RNF130: variants seen among roughly 807,000 people sequenced by gnomAD.
RNF130 encodes the protein ring finger protein 130.
In RNF130, 21 loss-of-function variants were observed where a neutral mutation model predicts 44.6. That is an observed-to-expected ratio of 0.47 (90% confidence interval 0.33 to 0.68). The LOEUF is 0.68. RNF130 is among the 30% of genes least tolerant of loss of function. The pLI is 0.02. For synonymous variants in RNF130, 214 were observed against 210.4 expected (o/e 1.02, Z -0.15); for missense variants, 479 against 560.6 (o/e 0.85, Z 1.47).
rs145442066 is a variant in RNF130 at position 179,980,119 on chromosome 5, A to T, written c.765+10T>A. On this transcript the variant is annotated intron_variant, in intron 4 of 8. Coordinates refer to ENST00000521389, the MANE Select transcript of RNF130 (RefSeq NM_018434.6). ...ACTTTTACGGTGCTGAAGTTGTTTC[A>T]TGACTGTACCTTGTCACCCTTCTTT... 25 of 1,613,394 alleles carry T rather than the reference A, an allele frequency of 1.5e-5. No homozygotes were observed. The African/African-American group carries it at 3.2e-4, about 21-fold the overall frequency.
At position 179,977,063 on chromosome 5, in the gene RNF130, GCAC is replaced by G. The variant is rs1462995771; in HGVS notation, c.848+1137_848+1139del. On this transcript the variant is annotated intron_variant, in intron 5 of 8. Coordinates refer to ENST00000521389, the MANE Select transcript of RNF130 (RefSeq NM_018434.6). This position sits in a 1 kb window ranked among gnomAD's most constrained non-coding sequence, Gnocchi z 4.1. ...AGGAAGGCTTGGTCCCATGTGGGGA[GCAC>G]CACATTAAAGGCAGGCCTTGACACA... 2 of 152,204 alleles carry G rather than the reference GCAC, an allele frequency of 1.3e-5. No homozygotes were observed. Among genetic ancestry groups the G allele is most frequent in the African/African-American group, 4.8e-5 (2 of 41,430 alleles). 9.4% of individuals were successfully genotyped at this position (152,204 alleles called of 1,614,324 possible).
At chr5:179,973,606 C>T (rs1187642405) in intron 5 of RNF130, among the ~76,000 whole-genome samples, 1 of 152,204 alleles carries the variant, frequency 6.6e-6, no homozygotes, top group Non-Finnish European at 1.5e-5. Flanking sequence ...AGCGGCCCCG[C>T]CACCTGGCCA....
chr5:180,042,986 T>A (rs190938229), intron 1 of RNF130, among the ~76,000 whole-genome samples: 23 of 152,194 alleles, frequency 1.5e-4, no homozygotes, highest in Non-Finnish European at 2.8e-4. Context: ...ATTTAGATAG[T>A]CTTATCTCAC....
chr5:179,944,603 G>A (rs1375235772), intron 7 of RNF130, among the ~76,000 whole-genome samples: 1 of 151,932 alleles, frequency 6.6e-6, no homozygotes, highest in African/African-American at 2.4e-5. Flanking sequence ...AAGCCACCAT[G>A]CCTGGCTAAA....
chr5:179,985,291 T>C (rs1280662550), intron 3 of RNF130, among the ~76,000 whole-genome samples: 1 of 152,106 alleles, frequency 6.6e-6, no homozygotes, highest in Admixed American at 6.6e-5. Flanking sequence ...GTTTAGACTT[T>C]CATGGCATTT....
At chr5:179,946,614 TGTG>T (rs1762043829) in intron 7 of RNF130, among the ~76,000 whole-genome samples, 1 of 150,520 alleles carries the variant, frequency 6.6e-6, no homozygotes, top group Admixed American at 6.6e-5. Context: ...AGTGCAGTGG[TGTG>T]ATCTTGGCTC....
downstream of RNF130, among the ~76,000 whole-genome samples, chr5:179,954,798 CGTTCTCACTCCTCA>C (rs1411056725): frequency 6.6e-6 from 1 of 152,222 alleles, no homozygotes; most frequent in Non-Finnish European, 1.5e-5. Context: ...AATAGGAATA[CGTTCTCACTCCTCA>C]GGTAAGCTGA....
rs1224625528 is a variant in RNF130, at chr5:179,978,196, G to A, written c.848+7C>T. ...CATTCTTTCTCAAACAAATGAAGTT[G>A]ACATACTTGCAGGGGAGAATTCGGA... On this transcript the variant is annotated splice_region_variant and intron_variant, in intron 5 of 8. Coordinates refer to ENST00000521389, the MANE Select transcript of RNF130 (RefSeq NM_018434.6). 9 of 1,602,494 alleles carry A rather than the reference G, an allele frequency of 5.6e-6. No individual in the cohort carries two copies. The highest frequency in any genetic ancestry group is 4.0e-5 in the African/African-American group (3 of 74,640).
In RNF130 at chr5:179,955,514, G is replaced by A. The variant is rs1298251146; in HGVS notation, c.*140C>T. On this transcript the variant is annotated 3_prime_UTR_variant, in exon 9 of 9. Coordinates refer to ENST00000521389, the MANE Select transcript of RNF130 (RefSeq NM_018434.6). ...TATTATTTATTTCTTTTAATACAAA[G>A]CTTTGGCATTAGCAATTTTATGAAA... is the stretch of plus-strand genomic sequence containing the variant. The A allele has an allele frequency of 4.7e-6, 3 of 640,424 alleles. No homozygotes were observed. Among genetic ancestry groups the A allele is most frequent in the Non-Finnish European group, 8.0e-6 (3 of 376,676 alleles). 39.7% of individuals were successfully genotyped at this position (640,424 alleles called of 1,614,324 possible).
rs115197209 is a variant in RNF130, at chr5:180,024,750, T to C, written c.443-11439A>G. On this transcript the variant is annotated intron_variant, in intron 2 of 8. Transcript: ENST00000521389. ...AAAGAACAGCAGAACTGTTAGTATGTAGGCAAACATAAAAGCCTACCGTTT... is the reference window on the plus strand; with the variant it reads ...AAAGAACAGCAGAACTGTTAGTATGCAGGCAAACATAAAAGCCTACCGTTT... Among the ~76,000 whole-genome samples the C allele has an allele frequency of 9.8e-3, 1,495 of 152,344 alleles. 12 individuals carry two copies. The highest frequency in any genetic ancestry group is 0.014 in the Non-Finnish European group (978 of 68,034).
In RNF130 at chr5:179,977,849, C is replaced by G. The variant is rs186956264; in HGVS notation, c.848+354G>C. 1.1e-4 allele frequency among the ~76,000 whole-genome samples: 17 copies of G among 152,010 alleles called. No individual in the cohort carries two copies. The highest frequency in any genetic ancestry group is 1.1e-3 in the Admixed American group (17 of 15,266). Reference sequence around the variant, plus strand: ...AGCCTGGGGTGACAGAGCGAGACTCCGTCTCAAAAAATAAATAAATAAATA... The same window carrying G: ...AGCCTGGGGTGACAGAGCGAGACTCGGTCTCAAAAAATAAATAAATAAATA... On this transcript the variant is annotated intron_variant, in intron 5 of 8. Coordinates refer to ENST00000521389, the MANE Select transcript of RNF130 (RefSeq NM_018434.6). This position sits in a 1 kb window ranked among gnomAD's most constrained non-coding sequence, Gnocchi z 4.1.
rs574150540 is a variant in RNF130, at chr5:179,939,627, C to T, written c.1151-19201G>A. On this transcript the variant is annotated intron_variant, in intron 7 of 7. Transcript: ENST00000522208. ...ATTTGAAGTTGCCATTCCACTACCA[C>T]AAATGACGTGGAAGAGAATGAAGTG... 8.8e-6 allele frequency: 4 copies of T among 456,352 alleles called. No individual in the cohort carries two copies. In the Admixed American group the frequency reaches 1.0e-4, roughly 12 times the overall value. 28.3% of individuals were successfully genotyped at this position (456,352 alleles called of 1,614,324 possible). A position where few individuals can be genotyped will look rare whatever the true frequency, so the allele number is the denominator to read the frequency against.
In RNF130 at chr5:179,926,592, G is replaced by A. The variant is rs536707646; in HGVS notation, c.1151-6166C>T. On this transcript the variant is annotated intron_variant, in intron 7 of 7. Transcript: ENST00000522208. ...GAACCAGGGAGGTGGAGGTGGCAGTGAGCCGAGATAGCGCCATTGCACTCC... is the reference window on the plus strand; with the variant it reads ...GAACCAGGGAGGTGGAGGTGGCAGTAAGCCGAGATAGCGCCATTGCACTCC... Among the ~76,000 whole-genome samples the A allele has an allele frequency of 2.5e-4, 38 of 152,258 alleles. 1 individual carries two copies. The South Asian group carries it at 7.5e-3, about 30-fold the overall frequency.
At chr5:179,953,305 CTTT>C (rs546197845), downstream of RNF130, among the ~76,000 whole-genome samples, 1 of 141,636 alleles carries the variant, frequency 7.1e-6, no homozygotes, top group Non-Finnish European at 1.6e-5. Flanking sequence ...AAAATCCTAG[CTTT>C]TTTTTTTTTT....
intron 7 of RNF130, among the ~76,000 whole-genome samples, chr5:179,929,508 G>A (rs1258602204): frequency 1.3e-5 from 2 of 152,170 alleles, no homozygotes; most frequent in African/African-American, 4.8e-5. Flanking sequence ...AGCACTTTAG[G>A]AGGCCAAGGT....
chr5:179,962,712 C>T (rs747349282), intron 8 of RNF130, among the ~76,000 whole-genome samples: 5 of 152,116 alleles, frequency 3.3e-5, no homozygotes, highest in Non-Finnish European at 7.4e-5. Flanking sequence ...CAAAATGGAC[C>T]ATAACAGTCA....
At chr5:180,058,973 G>A (rs900186835) in intron 1 of RNF130, among the ~76,000 whole-genome samples, 3 of 152,066 alleles carry the variant, frequency 2.0e-5, no homozygotes. Context: ...CAATTTATAC[G>A]TTATTTTACC....
intron 3 of RNF130, among the ~76,000 whole-genome samples, chr5:179,994,432 T>C (rs892736238): frequency 7.2e-5 from 11 of 152,210 alleles, no homozygotes; most frequent in Admixed American, 5.2e-4. Context: ...CTTCATCCCT[T>C]GTAAGTTGGA....
At chr5:179,979,588 AAG>A (rs1762786663) in intron 4 of RNF130, among the ~76,000 whole-genome samples, 1 of 152,008 alleles carries the variant, frequency 6.6e-6, no homozygotes, top group African/African-American at 2.4e-5. Context: ...TCTAGCGGAG[AAG>A]CAGGGCTCTA....
Sources: allele counts gnomAD v4.1 joint callset (sites outside exome capture counted in the v4.1 genomes callset), GRCh38; gene constraint gnomAD v4.1.1; non-coding constraint Gnocchi (gnomAD v3.1); transcripts MANE v1.5; gene names NCBI Gene and HGNC (gene_info 2026-07-23, HGNC 2026-07-21).